NHSL3: variants seen among roughly 807,000 people sequenced by gnomAD.
The protein encoded by NHSL3 is NHS-like protein 3.
chr1:32,752,940 CACACACACACAT>C, the NHSL3 span, among the ~76,000 whole-genome samples: 8 of 14,408 alleles, frequency 5.6e-4, no homozygotes, highest in African/African-American at 1.1e-3. Flanking sequence ...CACACACACA[CACACACACACAT>C]ATATATATAT....
chr1:32,772,005 C>T, the NHSL3 span: 62 of 1,602,738 alleles, frequency 3.9e-5, no homozygotes, highest in Middle Eastern at 1.7e-4. Flanking sequence ...GCAGCCTGGC[C>T]GCCAGTGAAG....
the NHSL3 span, among the ~76,000 whole-genome samples, chr1:32,752,936 C>CAT: frequency 1.1e-4 from 1 of 9,178 alleles, no homozygotes; most frequent in African/African-American, 2.3e-4. Flanking sequence ...CACACACACA[C>CAT]ACACACACAC....
chr1:32,769,220 C>T, the NHSL3 span, among the ~76,000 whole-genome samples: 1 of 151,732 alleles, frequency 6.6e-6, no homozygotes, highest in East Asian at 1.9e-4. Context: ...CACCACTGCA[C>T]TCCAGCCTGG....
the NHSL3 span, among the ~76,000 whole-genome samples, chr1:32,759,441 G>T: frequency 6.6e-6 from 1 of 152,230 alleles, no homozygotes; most frequent in East Asian, 1.9e-4. Flanking sequence ...TTATGTCATT[G>T]CTGGGAGCAA....
the NHSL3 span, among the ~76,000 whole-genome samples, chr1:32,753,039 G>A: frequency 6.7e-6 from 1 of 148,912 alleles, no homozygotes; most frequent in South Asian, 2.1e-4. Context: ...TGTGATCTTG[G>A]CTCACTACAA....
chr1:32,741,937 GCTCCGCCCCCGCCTGCCATGGCGGCC>G, the NHSL3 span: 1 of 757,856 alleles, frequency 1.3e-6, no homozygotes, highest in Non-Finnish European at 1.6e-6. The surrounding 1 kb of genome is among the most constrained non-coding windows in gnomAD (Gnocchi z 4.3). Flanking sequence ...CCCGCCGCCC[GCTCCGCCCCCGCCTGCCATGGCGGCC>G]CGCGCGCCCC....
chr1:32,757,179 A>G, the NHSL3 span, among the ~76,000 whole-genome samples: 1 of 152,214 alleles, frequency 6.6e-6, no homozygotes. Flanking sequence ...AAGTGCCAGT[A>G]TAAGTACTCA....
the NHSL3 span, among the ~76,000 whole-genome samples, chr1:32,753,651 A>C: frequency 1.3e-5 from 2 of 152,248 alleles, no homozygotes; most frequent in African/African-American, 4.8e-5. Flanking sequence ...AGTTCGATAC[A>C]TTTGTACACA....
chr1:32,764,836 A>C, the NHSL3 span, among the ~76,000 whole-genome samples: 1 of 152,132 alleles, frequency 6.6e-6, no homozygotes, highest in Non-Finnish European at 1.5e-5. Flanking sequence ...GCTGGATTTG[A>C]ACCTCGACCT....
At chr1:32,770,072 G>A in the NHSL3 span, 96 of 1,560,626 alleles carry the variant, frequency 6.2e-5, no homozygotes, top group Middle Eastern at 5.2e-4. The surrounding 1 kb of genome is among the most constrained non-coding windows in gnomAD (Gnocchi z 8.3). Context: ...CACATTGACC[G>A]TGTCTACCGG....
chr1:32,742,179 CA>C, the NHSL3 span: 1 of 1,248,362 alleles, frequency 8.0e-7, no homozygotes, highest in South Asian at 3.3e-5. Flanking sequence ...GGGCCAAGGG[CA>C]AAGGCCGAGG....
the NHSL3 span, among the ~76,000 whole-genome samples, chr1:32,745,455 GGCTGAGGCAGGA>G: frequency 6.6e-6 from 1 of 151,594 alleles, no homozygotes; most frequent in East Asian, 1.9e-4. Context: ...CTACTCAGGA[GGCTGAGGCAGGA>G]GAATCGCTTG....
chr1:32,770,497 G>T, the NHSL3 span: 1 of 1,568,616 alleles, frequency 6.4e-7, no homozygotes, highest in Non-Finnish European at 8.7e-7. The surrounding 1 kb of genome is among the most constrained non-coding windows in gnomAD (Gnocchi z 8.3). Flanking sequence ...TGGCTCTGAG[G>T]GCCAGCCGGA....
At chr1:32,769,732 C>A in the NHSL3 span, 1 of 1,609,042 alleles carries the variant, frequency 6.2e-7, no homozygotes, top group Non-Finnish European at 8.5e-7. Context: ...GCGGCGTCGG[C>A]GGGAGCGGCG....
At chr1:32,756,478 C>CCT in the NHSL3 span, among the ~76,000 whole-genome samples, 3 of 114,048 alleles carry the variant, frequency 2.6e-5, no homozygotes, top group East Asian at 2.9e-4. Context: ...AGACCCCCCC[C>CCT]CCCCGCCCAT....
the NHSL3 span, among the ~76,000 whole-genome samples, chr1:32,746,523 A>G: frequency 7.9e-4 from 120 of 152,306 alleles, no homozygotes; most frequent in African/African-American, 2.7e-3. Flanking sequence ...AAGTCTTCCT[A>G]TGTCCTTACA....
the NHSL3 span, chr1:32,765,517 G>A: frequency 4.4e-6 from 4 of 905,394 alleles, no homozygotes; most frequent in Non-Finnish European, 6.5e-6. Flanking sequence ...ACGGACTCCT[G>A]GCCTCAGTTG....
the NHSL3 span, chr1:32,767,895 C>A: frequency 6.2e-7 from 1 of 1,614,046 alleles, no homozygotes; most frequent in South Asian, 1.1e-5. Context: ...AGTGGGCGAC[C>A]CCCCCACCTG....
the NHSL3 span, chr1:32,754,116 G>T: frequency 1.4e-6 from 1 of 710,426 alleles, no homozygotes; most frequent in East Asian, 2.7e-5. Flanking sequence ...ACAAGAGGAA[G>T]GCCCCCAGCG....
Sources: gnomAD v4.1 joint callset for allele counts (sites outside exome capture counted in the v4.1 genomes callset) on GRCh38, gnomAD v4.1.1 for gene constraint, Gnocchi (gnomAD v3.1) non-coding constraint, MANE v1.5 for transcripts, NCBI Gene and HGNC (gene_info 2026-07-23, HGNC 2026-07-21) for gene names.